Variants in NAV3 observed in about 807,000 individuals in gnomAD.
NAV3 encodes neuron navigator 3, also known as pore membrane and/or filament interacting like protein 1.
In NAV3, 87 loss-of-function variants were observed where a neutral mutation model predicts 244.7. The observed-to-expected ratio is 0.36, with a 90% CI of 0.30 to 0.42. NAV3 has a LOEUF of 0.42. Ranked by LOEUF, NAV3 falls within the 20% of genes least tolerant of loss-of-function variation. NAV3 has a pLI of 1.00. For missense variants in NAV3, 2,663 were observed against 2,893.3 expected (o/e 0.92, Z 1.83); for synonymous variants, 1,126 against 1,042.2 (o/e 1.08, Z -1.55).
At chr12:77,847,415 C>T (rs1876823348) in intron 1 of NAV3, among the ~76,000 whole-genome samples, 1 of 152,128 alleles carries the variant, frequency 6.6e-6, no homozygotes, top group Admixed American at 6.5e-5. Context: ...AATGAATTCC[C>T]TCAGGCACTA....
intron 2 of NAV3, among the ~76,000 whole-genome samples, chr12:77,658,729 C>A (rs1873262061): frequency 1.3e-5 from 2 of 151,874 alleles, no homozygotes; most frequent in Non-Finnish European, 2.9e-5. Flanking sequence ...CTACAGTAAC[C>A]AAAACAGCAT....
At chr12:78,189,738 C>T (rs1429932237) in intron 33 of NAV3, among the ~76,000 whole-genome samples, 3 of 151,780 alleles carry the variant, frequency 2.0e-5, no homozygotes, top group African/African-American at 7.2e-5. Context: ...AAGAAGTAGA[C>T]AGTGGAGTGA....
At chr12:77,622,088 A>G (rs111942182) in intron 2 of NAV3, among the ~76,000 whole-genome samples, 6,194 of 152,198 alleles carry the variant, frequency 0.041, 188 homozygotes, top group Middle Eastern at 0.079. Context: ...TTATTTCATT[A>G]TACTGATGAG....
At chr12:78,058,294 A>G (rs1883812871) in intron 11 of NAV3, among the ~76,000 whole-genome samples, 1 of 152,170 alleles carries the variant, frequency 6.6e-6, no homozygotes, top group Non-Finnish European at 1.5e-5. Context: ...ATCATAGTGG[A>G]AAGTCAAGGG....
intron 18 of NAV3, among the ~76,000 whole-genome samples, chr12:78,135,827 C>T (rs763929675): frequency 1.3e-5 from 2 of 151,964 alleles, no homozygotes; most frequent in Admixed American, 6.6e-5. Flanking sequence ...TTACTTTTTT[C>T]GCCTTTCCAT....
chr12:78,208,133 A>T (rs563890128), intron 39 of NAV3, among the ~76,000 whole-genome samples: 1 of 152,202 alleles, frequency 6.6e-6, no homozygotes, highest in Non-Finnish European at 1.5e-5. Context: ...ATCTGGTGAG[A>T]GCCTCATGCT....
intron 2 of NAV3, among the ~76,000 whole-genome samples, chr12:77,815,724 T>TC (rs1210369010): frequency 1.3e-5 from 2 of 152,170 alleles, no homozygotes; most frequent in African/African-American, 2.4e-5. Context: ...ATCTTTTTTT[T>TC]CCCGACATCG....
At chr12:77,904,881 C>G (rs987188614) in intron 1 of NAV3, among the ~76,000 whole-genome samples, 18 of 151,716 alleles carry the variant, frequency 1.2e-4, no homozygotes, top group African/African-American at 4.1e-4. Context: ...TTATCTGTGT[C>G]AGAGTTGGTG....
At chr12:77,921,340 T>C (rs1049691182) in intron 1 of NAV3, among the ~76,000 whole-genome samples, 113 of 152,210 alleles carry the variant, frequency 7.4e-4, no homozygotes, top group African/African-American at 2.5e-3. Context: ...GTCATAGAGA[T>C]GCAGTTCAAA....
intron 2 of NAV3, among the ~76,000 whole-genome samples, chr12:77,653,663 A>T (rs1872931615): frequency 6.6e-6 from 1 of 152,120 alleles, no homozygotes; most frequent in Non-Finnish European, 1.5e-5. Context: ...TTGAAATGGG[A>T]TGTTGCTGGG....
intron 2 of NAV3, among the ~76,000 whole-genome samples, chr12:77,623,711 T>C (rs1871486839): frequency 6.6e-6 from 1 of 152,244 alleles, no homozygotes; most frequent in Non-Finnish European, 1.5e-5. Context: ...TCCTTGAGTT[T>C]TCTCTTGAAA....
At chr12:78,121,322 TG>T (rs1566165375) in intron 15 of NAV3, among the ~76,000 whole-genome samples, 2 of 152,202 alleles carry the variant, frequency 1.3e-5, no homozygotes. Flanking sequence ...TGAATAGCAC[TG>T]GCAACTGACA....
chr12:78,204,121 G>A (rs140567281), intron 38 of NAV3, among the ~76,000 whole-genome samples: 82 of 151,410 alleles, frequency 5.4e-4, no homozygotes, highest in African/African-American at 1.9e-3. Context: ...TCCAAACACC[G>A]CATGTTCTCA....
rs560052588 is a variant in NAV3, at chr12:77,668,619, G to A, written c.72+96353G>A. On this transcript the variant is annotated intron_variant, in intron 2 of 8. Coordinates refer to the NAV3 transcript ENST00000550042. ...AGAATAAAGAATAATAATAAAAGAT[G>A]AGTAAAGCCTCCAAGAAGTATAGGA... Among the ~76,000 whole-genome samples, 12 of 152,190 alleles carry A rather than the reference G, an allele frequency of 7.9e-5. No homozygotes were observed. In the South Asian group the frequency reaches 2.3e-3, roughly 29 times the overall value.
intron 2 of NAV3, among the ~76,000 whole-genome samples, chr12:77,621,339 G>A (rs1015324871): frequency 2.0e-5 from 3 of 152,060 alleles, no homozygotes; most frequent in Admixed American, 1.3e-4. Context: ...CAAAGTTCTC[G>A]ACATCCATCA....
At chr12:77,797,608 C>T (rs766819360) in intron 2 of NAV3, among the ~76,000 whole-genome samples, 2 of 145,818 alleles carry the variant, frequency 1.4e-5, no homozygotes, top group African/African-American at 2.5e-5. Context: ...TTTGGGAGGC[C>T]GAGGTGGGCG....
At chr12:78,148,530 T>G (rs1956952699) in intron 21 of NAV3, among the ~76,000 whole-genome samples, 1 of 152,062 alleles carries the variant, frequency 6.6e-6, no homozygotes, top group Admixed American at 6.6e-5. Context: ...ATTACCACAG[T>G]TTTTCTAGAA....
intron 1 of NAV3, among the ~76,000 whole-genome samples, chr12:77,903,243 A>G (rs1026414246): frequency 6.6e-6 from 1 of 152,220 alleles, no homozygotes; most frequent in East Asian, 1.9e-4. Flanking sequence ...ACTACAAACT[A>G]TATTACAAGG....
At chr12:78,177,793 A>G in intron 28 of NAV3, 108 bp downstream of exon 28, 2 of 932,478 alleles carry the variant, frequency 2.1e-6, no homozygotes, top group Non-Finnish European at 3.2e-6. Context: ...AACAATAAAT[A>G]CCTTCTCTTT....
Sources: allele counts gnomAD v4.1 joint callset (sites outside exome capture counted in the v4.1 genomes callset), GRCh38; gene constraint gnomAD v4.1.1; transcripts MANE v1.5; gene names NCBI Gene and HGNC (gene_info 2026-07-23, HGNC 2026-07-21).